CHST15: variants seen among roughly 807,000 people sequenced by gnomAD.
CHST15 encodes B cell RAG associated protein (GALNAC4S-6ST).
CHST15 carries 30 observed loss-of-function variants against 53.6 expected under a neutral mutation model. The observed-to-expected ratio is 0.56, with a 90% confidence interval of 0.42 to 0.76. The LOEUF (loss-of-function observed/expected upper bound fraction) is 0.76, where lower values mean the gene tolerates loss of function less well. CHST15 is among the 30% of genes least tolerant of loss of function. CHST15 has a pLI of 0.00. For missense variants in CHST15, 627 were observed against 740.5 expected, an observed-to-expected ratio of 0.85 and a Z score of 1.78; for synonymous variants, 296 against 289.8, an observed-to-expected ratio of 1.02 and a Z score of -0.22.
At chr10:124,031,436 G>A (rs573048550) in intron 5 of CHST15, among the ~76,000 whole-genome samples, 2 of 152,320 alleles carry the variant, frequency 1.3e-5, no homozygotes, top group African/African-American at 4.8e-5. Context: ...CACCTAGGTG[G>A]CGAGGTACAG....
intron 5 of CHST15, among the ~76,000 whole-genome samples, chr10:124,028,236 C>A (rs1401840509): frequency 1.3e-5 from 2 of 152,168 alleles, no homozygotes; most frequent in Non-Finnish European, 2.9e-5. Context: ...GAACACACTG[C>A]GGGATCTTGT....
chr10:124,027,646 C>T (rs1233185260), intron 5 of CHST15, among the ~76,000 whole-genome samples: 1 of 152,192 alleles, frequency 6.6e-6, no homozygotes, highest in African/African-American at 2.4e-5. Flanking sequence ...GTAGGGAGGG[C>T]CACCACCACC....
At chr10:124,023,746 C>T (rs1946880954) in intron 5 of CHST15, among the ~76,000 whole-genome samples, 1 of 152,168 alleles carries the variant, frequency 6.6e-6, no homozygotes. Flanking sequence ...ATTCCTTCAA[C>T]TTCTCCAACC....
At chr10:124,060,709 A>C (rs1006156359) in intron 1 of CHST15, among the ~76,000 whole-genome samples, 15 of 152,202 alleles carry the variant, frequency 9.9e-5, no homozygotes, top group African/African-American at 3.6e-4. Flanking sequence ...TCCATGTTTA[A>C]AATATTCGAA....
intron 4 of CHST15, among the ~76,000 whole-genome samples, chr10:124,041,774 C>T (rs1947749268): frequency 6.6e-6 from 1 of 152,144 alleles, no homozygotes; most frequent in Non-Finnish European, 1.5e-5. Context: ...ACTTTGAATG[C>T]CCAAAGGCAT....
rs750819191 is a variant in CHST15, at chr10:124,044,785, G to A, written c.681C>T (p.Ser227=). 21 of 1,610,112 alleles carry A rather than the reference G, an allele frequency of 1.3e-5. No individual in the cohort carries two copies. The highest frequency in any genetic ancestry group is 1.7e-5 in the Admixed American group (1 of 59,480). The change falls in exon 3 of 8, where the codon TCC becomes TCT. Residue 227 remains serine, a synonymous_variant. Transcript: ENST00000435907. ...SYVLYSKRFR[S]TFDALRKAFW... ...AGGCCTTGCGCAGGGCGTCGAAGGT[G>A]GAGCGGAAGCGCTTGGAGTAGAGCA... is the stretch of plus-strand genomic sequence containing the variant.
intron 5 of CHST15, among the ~76,000 whole-genome samples, chr10:124,035,402 C>T (rs1590227925): frequency 6.6e-6 from 1 of 150,452 alleles, no homozygotes; most frequent in African/African-American, 2.4e-5. Context: ...CTAACAGAGA[C>T]CCTGGCTCCA....
intron 1 of CHST15, among the ~76,000 whole-genome samples, chr10:124,081,195 C>T (rs1949221892): frequency 6.6e-6 from 1 of 152,234 alleles, no homozygotes; most frequent in Admixed American, 6.5e-5. Context: ...ACAAATGAGG[C>T]TCATTCCTGA....
Position 124,029,072 on chromosome 10 carries a change from G to A in CHST15, c.1191-7660C>T, listed in dbSNP as rs1471915159. Among the ~76,000 whole-genome samples, 4 of 152,204 alleles carry A rather than the reference G, an allele frequency of 2.6e-5. No individual in the cohort carries two copies. In the South Asian group the frequency reaches 6.2e-4, roughly 24 times the overall value. On this transcript the variant is annotated intron_variant, in intron 5 of 7. Transcript: ENST00000435907. ...GTAATGAGAGGGAGCCAGGGCACCT[G>A]GCCTTGTTATTCTCCATTTGCTGGC...
At chr10:124,081,216 C>T (rs1949222860) in intron 1 of CHST15, among the ~76,000 whole-genome samples, 2 of 152,236 alleles carry the variant, frequency 1.3e-5, no homozygotes, top group South Asian at 4.1e-4. Context: ...GACCACTGTG[C>T]TAATTATCTG....
chr10:124,071,077 G>A (rs1948898678), intron 1 of CHST15, among the ~76,000 whole-genome samples: 1 of 152,216 alleles, frequency 6.6e-6, no homozygotes, highest in Non-Finnish European at 1.5e-5. Flanking sequence ...GATTTGATTT[G>A]ATCTGATTCT....
intron 6 of CHST15, chr10:124,020,389 G>A (rs1946731362): frequency 2.0e-6 from 2 of 985,314 alleles, no homozygotes; most frequent in South Asian, 9.4e-5. Context: ...GTGTCCCTGT[G>A]GCATCTTCCT....
chr10:124,041,379 G>A (rs377568183), intron 4 of CHST15, among the ~76,000 whole-genome samples: 3 of 152,226 alleles, frequency 2.0e-5, no homozygotes, highest in East Asian at 1.9e-4. Flanking sequence ...GTGGATAAAC[G>A]CCTTCTAAGC....
At chr10:124,062,328 C>T (rs1948602080) in intron 1 of CHST15, among the ~76,000 whole-genome samples, 1 of 152,178 alleles carries the variant, frequency 6.6e-6, no homozygotes, top group African/African-American at 2.4e-5. Context: ...GGAACGGGCA[C>T]ATACCCTTGT....
intron 5 of CHST15, among the ~76,000 whole-genome samples, 159 bp from the exon 6 acceptor site, chr10:124,021,571 C>G (rs1946792473): frequency 6.6e-6 from 1 of 152,186 alleles, no homozygotes; most frequent in Non-Finnish European, 1.5e-5. Context: ...CCTCCCTCAT[C>G]CCTCCGAGCT....
In CHST15 at chr10:124,010,247, G is replaced by A. The variant is rs765199201; in HGVS notation, c.1588C>T (p.Pro530Ser). 6.2e-7 allele frequency: 1 copy of A among 1,614,110 alleles called. No individual in the cohort carries two copies. Among genetic ancestry groups the A allele is most frequent in the South Asian group, 1.1e-5 (1 of 91,084 alleles). The change falls in exon 8 of 8, where the codon CCC (proline) becomes TCC (serine). Residue 530 changes from proline to serine, a missense_variant. By Grantham distance (74) the Pro-to-Ser change is moderately conservative. Around this residue, in one of 3 missense-constraint regions of CHST15, gnomAD observed 279 missense variants for 371.6 expected, o/e 0.75. Coordinates refer to ENST00000435907, the MANE Select transcript of CHST15 (RefSeq NM_001270764.2). ...PEDRNLGPMW[P>S]ITQKILRDFY... ...TCCCGCAGAATCTTCTGTGTGATGGGCCACATGGGCCCCAGGTTCCGGTCC... is the reference window on the plus strand; with the variant it reads ...TCCCGCAGAATCTTCTGTGTGATGGACCACATGGGCCCCAGGTTCCGGTCC...
rs1281905476 is a variant in CHST15 at position 124,045,802 on chromosome 10, T to C, written c.411A>G (p.Gln137=). The change falls in exon 2 of 8, where the codon CAA becomes CAG. Residue 137 remains glutamine, a synonymous_variant. Coordinates refer to ENST00000435907, the MANE Select transcript of CHST15 (RefSeq NM_001270764.2). ...TGTATGAAATATTATTTACAGAGGA[T>C]TGGTGGTGATGCTCCTTTGTGTCAC... ...NPSDTKEHHH[Q]SSVNNISYMK... 1.2e-6 allele frequency: 2 copies of C among 1,614,126 alleles called. No homozygotes were observed. Among genetic ancestry groups the C allele is most frequent in the African/African-American group, 1.3e-5 (1 of 75,006 alleles).
intron 1 of CHST15, among the ~76,000 whole-genome samples, chr10:124,077,343 A>ATG (rs1949108154): frequency 6.6e-6 from 1 of 152,198 alleles, no homozygotes; most frequent in South Asian, 2.1e-4. Context: ...CTGATCTCGA[A>ATG]CAGCATCTTC....
intron 1 of CHST15, among the ~76,000 whole-genome samples, chr10:124,079,143 T>C (rs1949163450): frequency 6.6e-6 from 1 of 152,204 alleles, no homozygotes; most frequent in Non-Finnish European, 1.5e-5. Context: ...ATTTCTTTTA[T>C]CTTTCCATTT....
Sources: allele counts gnomAD v4.1 joint callset (sites outside exome capture counted in the v4.1 genomes callset), GRCh38; gene constraint gnomAD v4.1.1; regional missense constraint gnomAD v4.1.1; transcripts MANE v1.5; gene names NCBI Gene and HGNC (gene_info 2026-07-23, HGNC 2026-07-21).